CDKAL1: variants seen among roughly 807,000 people sequenced by gnomAD.
CDKAL1 encodes the protein threonylcarbamoyladenosine tRNA methylthiotransferase.
A neutral mutation model predicts 68.2 loss-of-function variants in CDKAL1; 32 were observed. The observed-to-expected ratio is 0.47, with a 90% CI of 0.35 to 0.63. The LOEUF (loss-of-function observed/expected upper bound fraction) is 0.63, where lower values mean the gene tolerates loss of function less well. CDKAL1 is among the 30% of genes least tolerant of loss of function. The probability of loss-of-function intolerance (pLI) is 0.00; values close to 1 mark genes in which losing one functional copy is unlikely to be tolerated. For synonymous variants in CDKAL1, 234 were observed against 244.3 expected (o/e 0.96, Z 0.39); for missense variants, 606 against 696.7 (o/e 0.87, Z 1.47).
At chr6:20,682,743 T>C (rs1027028877) in intron 5 of CDKAL1, among the ~76,000 whole-genome samples, 1 of 152,192 alleles carries the variant, frequency 6.6e-6, no homozygotes, top group Non-Finnish European at 1.5e-5. Context: ...CTTTAAAGCA[T>C]CTGAGATTTA....
chr6:21,081,782 T>C (rs1479096207), intron 12 of CDKAL1, among the ~76,000 whole-genome samples: 2 of 151,976 alleles, frequency 1.3e-5, no homozygotes, highest in East Asian at 1.9e-4. Flanking sequence ...TTTCCCATGT[T>C]GGACAGGCTG....
intron 5 of CDKAL1, among the ~76,000 whole-genome samples, chr6:20,659,992 C>T (rs7749083): frequency 0.19 from 28,124 of 151,962 alleles, 2,814 homozygotes; most frequent in African/African-American, 0.23. Flanking sequence ...TATGTTCTTC[C>T]CTTCCTTGGA....
chr6:21,000,096 T>C (rs1767350126), intron 10 of CDKAL1, 131 bp from the exon 11 acceptor site: 1 of 619,726 alleles, frequency 1.6e-6, no homozygotes, highest in Non-Finnish European at 2.8e-6. Context: ...TGATGTTCAC[T>C]TTAAGAGCCT....
At chr6:20,721,009 C>T (rs769471533) in intron 5 of CDKAL1, among the ~76,000 whole-genome samples, 1 of 152,038 alleles carries the variant, frequency 6.6e-6, no homozygotes, top group African/African-American at 2.4e-5. Context: ...ATGTGCACAA[C>T]GTGCAGGTTT....
intron 13 of CDKAL1, among the ~76,000 whole-genome samples, chr6:21,125,683 A>AAAAC (rs1044585031): frequency 6.6e-5 from 10 of 152,162 alleles, no homozygotes; most frequent in African/African-American, 1.9e-4. Flanking sequence ...CCATCTCAAA[A>AAAAC]AAACAAACAA....
At chr6:20,871,867 C>T (rs541401306) in intron 9 of CDKAL1, among the ~76,000 whole-genome samples, 1 of 152,272 alleles carries the variant, frequency 6.6e-6, no homozygotes, top group East Asian at 1.9e-4. Flanking sequence ...GGTGTCATAG[C>T]TCTATAACCT....
Position 20,954,756 on chromosome 6 carries a change from AATAT to A in CDKAL1, c.743-657_743-654del, listed in dbSNP as rs1174335320. Among the ~76,000 whole-genome samples, 4 of 152,184 alleles carry A rather than the reference AATAT, an allele frequency of 2.6e-5. No individual in the cohort carries two copies. In the South Asian group the frequency reaches 8.3e-4, roughly 32 times the overall value. The stretch of plus-strand genomic sequence containing the variant: ...TCTTTATAACAATAATAACGACAAG[AATAT>A]ATATACATTTTCCTAAAGTCTGATT... On this transcript the variant is annotated intron_variant, in intron 9 of 15. Coordinates refer to ENST00000274695, the MANE Select transcript of CDKAL1 (RefSeq NM_017774.3).
intron 9 of CDKAL1, among the ~76,000 whole-genome samples, chr6:20,941,339 C>T (rs953009603): frequency 2.6e-5 from 4 of 152,076 alleles, no homozygotes; most frequent in African/African-American, 7.2e-5. Context: ...TATAGGTCTT[C>T]TCCTTGAGTC....
intron 9 of CDKAL1, among the ~76,000 whole-genome samples, chr6:20,948,070 T>C (rs6930879): frequency 2.0e-5 from 3 of 150,514 alleles, no homozygotes; most frequent in African/African-American, 7.4e-5. Context: ...CTGGCTCTAG[T>C]GCAGTGGTGC....
rs763198996 is a variant in CDKAL1 at position 21,000,240 on chromosome 6, T to A, written c.923T>A (p.Ile308Asn). 1 of 1,610,228 alleles carries A rather than the reference T, an allele frequency of 6.2e-7. No homozygotes were observed. Among genetic ancestry groups the A allele is most frequent in the Non-Finnish European group, 8.5e-7 (1 of 1,178,428 alleles). ...ILEHLEEMAK[I>N]LNHPRVYAFL... ...CATTTTTTTAAGGAAATGGCAAAAA[T>A]CCTTAATCACCCCAGAGTCTACGCT... The change falls in exon 11 of 16, where the codon ATC becomes AAC. Residue 308 changes from isoleucine to asparagine, a missense_variant. Ile to Asn is a moderately radical substitution (Grantham distance 149). Coordinates refer to ENST00000274695, the MANE Select transcript of CDKAL1 (RefSeq NM_017774.3).
At chr6:21,157,781 G>A (rs2151058785) in intron 13 of CDKAL1, among the ~76,000 whole-genome samples, 1 of 152,322 alleles carries the variant, frequency 6.6e-6, no homozygotes, top group African/African-American at 2.4e-5. Flanking sequence ...AAAACTGGCA[G>A]AGCACCTGGG....
chr6:20,766,318 GGTGCATA>G (rs1774701178), intron 7 of CDKAL1, among the ~76,000 whole-genome samples: 1 of 151,964 alleles, frequency 6.6e-6, no homozygotes. Flanking sequence ...GGGGTGAGCT[GGTGCATA>G]GTGTTGAATA....
At chr6:20,960,359 C>T (rs770537322) in intron 10 of CDKAL1, among the ~76,000 whole-genome samples, 3 of 152,138 alleles carry the variant, frequency 2.0e-5, no homozygotes, top group South Asian at 2.1e-4. Context: ...GCCAGTTAGC[C>T]GCTGAACTGG....
intron 6 of CDKAL1, among the ~76,000 whole-genome samples, chr6:20,747,751 T>C (rs1038435883): frequency 6.6e-6 from 1 of 152,208 alleles, no homozygotes; most frequent in Non-Finnish European, 1.5e-5. Context: ...AGGTATATGG[T>C]TTGCAAATAT....
chr6:21,101,754 A>T (rs754671549), intron 12 of CDKAL1, among the ~76,000 whole-genome samples: 17 of 152,042 alleles, frequency 1.1e-4, no homozygotes, highest in Non-Finnish European at 2.4e-4. Context: ...CTCTAGACTG[A>T]GTGAAGGGTA....
intron 5 of CDKAL1, among the ~76,000 whole-genome samples, chr6:20,697,368 C>T (rs1314093687): frequency 1.3e-5 from 2 of 152,000 alleles, no homozygotes; most frequent in Admixed American, 6.5e-5. Flanking sequence ...ATTGTATCTC[C>T]TACTAGTTAA....
At chr6:20,551,054 A>T (rs1763802391) in intron 4 of CDKAL1, among the ~76,000 whole-genome samples, 1 of 151,300 alleles carries the variant, frequency 6.6e-6, no homozygotes. Context: ...TTTAGTAGAG[A>T]CAGAGTTTCA....
chr6:20,853,339 C>A (rs1036210917), intron 9 of CDKAL1, among the ~76,000 whole-genome samples: 1 of 150,754 alleles, frequency 6.6e-6, no homozygotes, highest in Non-Finnish European at 1.5e-5. Flanking sequence ...CAAGATCGTG[C>A]CACTGCACTC....
At chr6:21,110,986 T>A (rs947609316) in intron 13 of CDKAL1, among the ~76,000 whole-genome samples, 4 of 152,064 alleles carry the variant, frequency 2.6e-5, no homozygotes, top group East Asian at 1.9e-4. Flanking sequence ...ACATTTTTTT[T>A]TAAAATAATT....
Sources: allele counts gnomAD v4.1 joint callset (sites outside exome capture counted in the v4.1 genomes callset), GRCh38; gene constraint gnomAD v4.1.1; transcripts MANE v1.5; gene names NCBI Gene and HGNC (gene_info 2026-07-23, HGNC 2026-07-21).